GTSF1: variants seen among roughly 807,000 people sequenced by gnomAD.
GTSF1 encodes gametocyte specific factor 1, also known as gametocyte-specific factor 1.
GTSF1 carries 11 observed loss-of-function variants against 28.9 expected under a neutral mutation model. That is an observed-to-expected ratio of 0.38 (90% CI 0.24 to 0.63). The LOEUF (loss-of-function observed/expected upper bound fraction) is 0.63. Ranked by LOEUF, GTSF1 falls within the 30% of genes least tolerant of loss-of-function variation. The pLI, the probability that GTSF1 is intolerant of heterozygous loss-of-function variation, is 0.56. For missense variants in GTSF1, 146 were observed against 201.0 expected, an observed-to-expected ratio of 0.73 and a Z score of 1.66; for synonymous variants, 69 against 65.6, an observed-to-expected ratio of 1.05 and a Z score of -0.25.
intron 7 of GTSF1, 61 bp downstream of exon 7, chr12:54,460,316 A>G (rs1956402200): frequency 8.1e-7 from 1 of 1,227,170 alleles, no homozygotes; most frequent in Admixed American, 1.7e-5. Context: ...CTGAATAATC[A>G]AGATCAACTG....
intron 2 of GTSF1, among the ~76,000 whole-genome samples, chr12:54,469,200 T>C (rs1394973755): frequency 6.6e-6 from 1 of 152,076 alleles, no homozygotes; most frequent in Non-Finnish European, 1.5e-5. Flanking sequence ...TGCCTCAGCC[T>C]CCCGAGTAGC....
chr12:54,462,499 G>T, intron 5 of GTSF1, 143 bp downstream of exon 5: 1 of 696,520 alleles, frequency 1.4e-6, no homozygotes, highest in Non-Finnish European at 2.5e-6. Context: ...CGATACAAAT[G>T]TGCTCGTTTT....
intron 7 of GTSF1, 200 bp from the exon 8 acceptor site, chr12:54,459,325 C>A: frequency 6.9e-7 from 1 of 1,440,372 alleles, no homozygotes; most frequent in Non-Finnish European, 9.1e-7. Context: ...AGCCTTTTGA[C>A]ATATAATTTG....
chr12:54,461,582 G>A (rs1262566689), intron 6 of GTSF1, among the ~76,000 whole-genome samples: 2 of 152,098 alleles, frequency 1.3e-5, no homozygotes, highest in Admixed American at 1.3e-4. Flanking sequence ...GGCAGAGCCT[G>A]CAGTGAGCCA....
chr12:54,458,964 A>G (rs1565656795), intron 8 of GTSF1, 125 bp downstream of exon 8: 16 of 607,674 alleles, frequency 2.6e-5, no homozygotes, highest in Non-Finnish European at 4.4e-5. Flanking sequence ...CTTAAAAAAC[A>G]CATGCACACA....
intron 7 of GTSF1, among the ~76,000 whole-genome samples, chr12:54,460,127 G>A (rs1156316392): frequency 1.3e-5 from 2 of 152,048 alleles, no homozygotes; most frequent in African/African-American, 2.4e-5. Context: ...TGACGTCAGT[G>A]GTCACCCCAT....
rs143801283 is a variant in GTSF1 at position 54,465,130 on chromosome 12, G to C, written c.54C>G (p.Pro18=). Residue 18 remains proline, a synonymous_variant, in exon 3 of 9, where the codon CCC becomes CCG. Transcript: ENST00000305879. ...SLDPEKLLQC[P]YDKNHQIRAC... ...CCCTGATTTGATGGTTTTTGTCATA[G>C]GGGCATTGCAATAGCTTCTCAGGGT... 54 of 1,613,536 alleles carry C rather than the reference G, an allele frequency of 3.3e-5. No homozygotes were observed. The African/African-American group carries it at 5.6e-4, about 17-fold the overall frequency.
At chr12:54,471,532 C>T (rs1014587613) in intron 1 of GTSF1, among the ~76,000 whole-genome samples, 1 of 152,104 alleles carries the variant, frequency 6.6e-6, no homozygotes, top group Non-Finnish European at 1.5e-5. Flanking sequence ...AAATATGACT[C>T]CTATAGTTCA....
intron 2 of GTSF1, among the ~76,000 whole-genome samples, chr12:54,469,789 A>G (rs1956571907): frequency 6.6e-6 from 1 of 151,654 alleles, no homozygotes; most frequent in Admixed American, 6.6e-5. Context: ...CCTAGGCTCA[A>G]GTGATCCTCC....
At chr12:54,468,249 C>A (rs1370687793) in intron 2 of GTSF1, among the ~76,000 whole-genome samples, 1 of 152,046 alleles carries the variant, frequency 6.6e-6, no homozygotes, top group Non-Finnish European at 1.5e-5. Flanking sequence ...TGTGCCTCCA[C>A]CCCGCAAGTA....
Position 54,465,128 on chromosome 12 carries a change from T to C in GTSF1, c.56A>G (p.Tyr19Cys), listed in dbSNP as rs1956489571. The change falls in exon 3 of 9, where the codon TAT becomes TGT. Residue 19 changes from tyrosine to cysteine, a missense_variant. Transcript: ENST00000305879. ...AGCCCTGATTTGATGGTTTTTGTCA[T>C]AGGGGCATTGCAATAGCTTCTCAGG... Reference protein sequence around the residue: ...LDPEKLLQCPYDKNHQIRACR... With the variant: ...LDPEKLLQCPCDKNHQIRACR... The C allele has an allele frequency of 6.2e-7, 1 of 1,613,598 alleles. No homozygotes were observed. The highest frequency in any genetic ancestry group is 1.3e-5 in the African/African-American group (1 of 75,002).
intron 2 of GTSF1, 84 bp downstream of exon 2, chr12:54,471,149 C>T: frequency 9.0e-7 from 1 of 1,112,368 alleles, no homozygotes. Context: ...CCGACTTCTT[C>T]CCAGCACACT....
At chr12:54,459,617 T>C (rs1956388882) in intron 7 of GTSF1, 1 of 301,964 alleles carries the variant, frequency 3.3e-6, no homozygotes, top group Admixed American at 5.0e-5. Context: ...AATACCATTC[T>C]TTATGCTGGT....
intron 2 of GTSF1, chr12:54,466,920 A>G (rs1956524835): frequency 6.7e-6 from 1 of 148,920 alleles, no homozygotes; most frequent in African/African-American, 2.5e-5. Context: ...AGTTCGAGCG[A>G]TTCTTGTGCC....
chr12:54,459,240 AAGT>A, intron 7 of GTSF1, 115 bp from the exon 8 acceptor site: 1 of 1,423,526 alleles, frequency 7.0e-7, no homozygotes, highest in Non-Finnish European at 9.3e-7. Context: ...TATAATATAA[AAGT>A]AGAAGAATTT....
rs1443994844 is a variant in GTSF1, at chr12:54,455,999, G to A, written c.*175C>T. ...TTATTTGGAAGCTTCTGAGTATGAGGGTTCTTGCATTAAATGAGGATTCAA... is the reference window on the plus strand; with the variant it reads ...TTATTTGGAAGCTTCTGAGTATGAGAGTTCTTGCATTAAATGAGGATTCAA... On this transcript the variant is annotated 3_prime_UTR_variant, in exon 9 of 9. Transcript: ENST00000305879. 1 of 152,522 alleles carries A rather than the reference G, an allele frequency of 6.6e-6. No homozygotes were observed. Among genetic ancestry groups the A allele is most frequent in the Non-Finnish European group, 1.5e-5 (1 of 68,038 alleles). 9.4% of individuals were successfully genotyped at this position (152,522 alleles called of 1,614,324 possible).
rs200135779 is a variant in GTSF1 at position 54,471,888 on chromosome 12, CA to C, written c.-29-612del. 4.3e-3 allele frequency: 665 copies of C among 153,522 alleles called. 5 individuals are homozygous for C. The highest frequency in any genetic ancestry group is 0.015 in the African/African-American group (612 of 41,274). 9.5% of individuals were successfully genotyped at this position (153,522 alleles called of 1,614,324 possible). On this transcript the variant is annotated intron_variant, in intron 1 of 8. Transcript: ENST00000305879. Reference sequence around the variant, plus strand: ...AAAACAACCCCCCCCCAAAAACAAACAAACAAACAAACAAAAAAACAAACTT... The same window carrying C: ...AAAACAACCCCCCCCCAAAAACAAACAACAAACAAACAAAAAAACAAACTT...
intron 8 of GTSF1, among the ~76,000 whole-genome samples, chr12:54,458,780 A>G (rs1030187952): frequency 1.3e-5 from 2 of 152,002 alleles, no homozygotes; most frequent in African/African-American, 4.8e-5. Context: ...CAGCTCAATG[A>G]TTAATCTCAG....
intron 8 of GTSF1, among the ~76,000 whole-genome samples, 164 bp downstream of exon 8, chr12:54,458,923 TAG>T (rs1316270017): frequency 6.6e-6 from 1 of 151,972 alleles, no homozygotes; most frequent in African/African-American, 2.4e-5. Context: ...GCCTATTCAT[TAG>T]AGTGTAAAGC....
Sources: gnomAD v4.1 joint callset for allele counts (sites outside exome capture counted in the v4.1 genomes callset) on GRCh38, gnomAD v4.1.1 for gene constraint, MANE v1.5 for transcripts, NCBI Gene and HGNC (gene_info 2026-07-23, HGNC 2026-07-21) for gene names.